Variants in GALNTL6 observed in about 807,000 individuals in gnomAD.
GALNTL6 encodes polypeptide N-acetylgalactosaminyltransferase like 6, also known as polypeptide N-acetylgalactosaminyltransferase-like 6.
Under a neutral mutation model 73.7 loss-of-function variants are expected in GALNTL6, and 46 were observed. The ratio of observed to expected loss-of-function variants is 0.62; its 90% CI spans 0.49 to 0.80. The LOEUF is 0.80. Ranked by LOEUF, GALNTL6 falls within the 30% of genes least tolerant of loss-of-function variation. The probability of loss-of-function intolerance (pLI) is 0.00; values close to 1 mark genes in which losing one functional copy is unlikely to be tolerated. For synonymous variants in GALNTL6, 259 were observed against 263.7 expected (o/e 0.98, Z 0.17); for missense variants, 604 against 755.0 (o/e 0.80, Z 2.34).
chr4:171,914,005 G>A (rs6858134), intron 2 of GALNTL6, among the ~76,000 whole-genome samples: 1,659 of 152,016 alleles, frequency 0.011, 30 homozygotes, highest in African/African-American at 0.038. Flanking sequence ...TTATTAACAT[G>A]GTTAAAAGTA....
At chr4:172,482,977 T>C (rs1733542325) in intron 5 of GALNTL6, among the ~76,000 whole-genome samples, 1 of 149,086 alleles carries the variant, frequency 6.7e-6, no homozygotes, top group Non-Finnish European at 1.5e-5. Flanking sequence ...ATACTTTAAG[T>C]ACAATTTCGT....
At position 172,392,501 on chromosome 4, in the gene GALNTL6, G is replaced by A. The variant is rs79806244; in HGVS notation, c.553+43812G>A. Among the ~76,000 whole-genome samples, 601 of 150,434 alleles carry A rather than the reference G, an allele frequency of 4.0e-3. 4 individuals are homozygous for A. Among genetic ancestry groups the A allele is most frequent in the African/African-American group, 0.014 (557 of 40,780 alleles). ...TTAATATAGAGCAGTCTCGCTCTGT[G>A]GCCTCAAGGGATCCTCCTTCCTCGG... On this transcript the variant is annotated intron_variant, in intron 5 of 12. Coordinates refer to ENST00000506823, the MANE Select transcript of GALNTL6 (RefSeq NM_001034845.3).
intron 2 of GALNTL6, among the ~76,000 whole-genome samples, chr4:172,157,554 G>T (rs991620547): frequency 6.6e-6 from 1 of 152,094 alleles, no homozygotes; most frequent in Non-Finnish European, 1.5e-5. Context: ...TGAATACAAG[G>T]TTAGAAGACA....
At chr4:172,542,556 C>G (rs1013536900) in intron 5 of GALNTL6, among the ~76,000 whole-genome samples, 1 of 152,172 alleles carries the variant, frequency 6.6e-6, no homozygotes, top group Non-Finnish European at 1.5e-5. Flanking sequence ...CTGATGATCG[C>G]TTGACATTCC....
At chr4:172,656,354 T>C (rs1731012101) in intron 5 of GALNTL6, among the ~76,000 whole-genome samples, 1 of 152,158 alleles carries the variant, frequency 6.6e-6, no homozygotes, top group Admixed American at 6.5e-5. Context: ...ACCTTCAACC[T>C]TGGAATCCAT....
At chr4:172,623,375 A>T (rs753694736) in intron 5 of GALNTL6, among the ~76,000 whole-genome samples, 3 of 152,136 alleles carry the variant, frequency 2.0e-5, no homozygotes, top group Non-Finnish European at 2.9e-5. Flanking sequence ...AATTTTAAAT[A>T]AAAAATTAGA....
intron 5 of GALNTL6, among the ~76,000 whole-genome samples, chr4:172,661,060 C>G (rs1415454592): frequency 6.6e-6 from 1 of 152,120 alleles, no homozygotes; most frequent in Non-Finnish European, 1.5e-5. Flanking sequence ...CCACAGTGCC[C>G]AGGTATTTGG....
intron 5 of GALNTL6, among the ~76,000 whole-genome samples, chr4:172,702,856 C>A (rs955126344): frequency 6.6e-6 from 1 of 151,720 alleles, no homozygotes; most frequent in Admixed American, 6.6e-5. Context: ...GGTGTCTTTT[C>A]CTTTAAATTA....
chr4:172,725,960 T>G (rs1210347901), intron 5 of GALNTL6, among the ~76,000 whole-genome samples: 3 of 152,204 alleles, frequency 2.0e-5, no homozygotes, highest in African/African-American at 7.2e-5. Context: ...CTTAGAACAC[T>G]GCCTGGAATG....
intron 5 of GALNTL6, among the ~76,000 whole-genome samples, chr4:172,795,090 AG>A (rs1412551177): frequency 7.9e-5 from 12 of 152,220 alleles, no homozygotes; most frequent in Admixed American, 6.5e-4. Flanking sequence ...AAAATGGAGT[AG>A]GTAAATGAGA....
At chr4:172,832,628 G>A (rs974605214) in intron 7 of GALNTL6, among the ~76,000 whole-genome samples, 9 of 152,202 alleles carry the variant, frequency 5.9e-5, no homozygotes, top group African/African-American at 2.2e-4. Flanking sequence ...CCGGTAGACT[G>A]GCTTCCTCCA....
At chr4:172,061,417 C>T (rs1431790298) in intron 2 of GALNTL6, among the ~76,000 whole-genome samples, 2 of 152,150 alleles carry the variant, frequency 1.3e-5, no homozygotes, top group African/African-American at 4.8e-5. Flanking sequence ...ATATATTGCA[C>T]TTTCGTTCTG....
intron 3 of GALNTL6, among the ~76,000 whole-genome samples, chr4:172,268,031 G>A (rs983911688): frequency 6.6e-6 from 1 of 152,106 alleles, no homozygotes; most frequent in South Asian, 2.1e-4. Flanking sequence ...CCTTTTCTTA[G>A]GGATTAGAAA....
chr4:172,985,612 GT>G (rs947531731), intron 10 of GALNTL6, among the ~76,000 whole-genome samples: 4 of 151,442 alleles, frequency 2.6e-5, no homozygotes, highest in South Asian at 2.1e-4. Context: ...CGAAGACTAG[GT>G]TTTTTTTTAA....
At chr4:172,054,816 C>T (rs1421561190) in intron 2 of GALNTL6, among the ~76,000 whole-genome samples, 2 of 152,074 alleles carry the variant, frequency 1.3e-5, no homozygotes, top group Admixed American at 6.6e-5. Context: ...TACTGAACTT[C>T]GAAACAAATG....
intron 5 of GALNTL6, among the ~76,000 whole-genome samples, chr4:172,641,760 T>A (rs907649835): frequency 1.3e-5 from 2 of 152,162 alleles, no homozygotes; most frequent in East Asian, 3.9e-4. Flanking sequence ...ATTGTTTTTT[T>A]ATCTGTCTTC....
At chr4:172,784,512 G>C (rs1739545674) in intron 5 of GALNTL6, among the ~76,000 whole-genome samples, 1 of 152,064 alleles carries the variant, frequency 6.6e-6, no homozygotes, top group Admixed American at 6.6e-5. Context: ...GTGGTCAAAA[G>C]TCTAGAATGG....
chr4:172,130,550 G>C (rs574170799), intron 2 of GALNTL6, among the ~76,000 whole-genome samples: 1 of 151,810 alleles, frequency 6.6e-6, no homozygotes, highest in Non-Finnish European at 1.5e-5. Flanking sequence ...CTACTGTGAG[G>C]TTTCAAAGTA....
intron 5 of GALNTL6, among the ~76,000 whole-genome samples, chr4:172,366,274 T>C (rs968106414): frequency 6.6e-6 from 1 of 152,202 alleles, no homozygotes; most frequent in Non-Finnish European, 1.5e-5. Context: ...TTTCCCATCT[T>C]TGTATTTTCT....
Sources: allele counts gnomAD v4.1 joint callset (sites outside exome capture counted in the v4.1 genomes callset), GRCh38; gene constraint gnomAD v4.1.1; transcripts MANE v1.5; gene names NCBI Gene and HGNC (gene_info 2026-07-23, HGNC 2026-07-21).